Variants in PDS5A observed in about 807,000 individuals in gnomAD.
The protein encoded by PDS5A is PDS5 cohesin associated factor A.
PDS5A carries 42 observed loss-of-function variants against 167.1 expected under a neutral mutation model. That is an observed-to-expected ratio of 0.25 (90% CI 0.20 to 0.33). The LOEUF is 0.33. Ranked by LOEUF, PDS5A falls within the 10% of genes least tolerant of loss-of-function variation. The pLI is 1.00. For synonymous variants in PDS5A, 553 were observed against 554.6 expected, an observed-to-expected ratio of 1.00 and a Z score of 0.04; for missense variants, 1,033 against 1,605.9, an observed-to-expected ratio of 0.64 and a Z score of 6.10.
At chr4:39,951,620 G>A (rs565452106) in intron 2 of PDS5A, among the ~76,000 whole-genome samples, 2 of 152,318 alleles carry the variant, frequency 1.3e-5, no homozygotes, top group East Asian at 1.9e-4. Context: ...TCTACATCAC[G>A]CTGGGCAAGG....
intron 11 of PDS5A, among the ~76,000 whole-genome samples, chr4:39,905,731 G>A (rs752559303): frequency 1.6e-4 from 24 of 151,844 alleles, no homozygotes; most frequent in Non-Finnish European, 2.8e-4. Context: ...AACATTCTCA[G>A]GGAGATAAGA....
chr4:39,871,292 T>C (rs1321766278), intron 21 of PDS5A, among the ~76,000 whole-genome samples: 1 of 152,176 alleles, frequency 6.6e-6, no homozygotes, highest in African/African-American at 2.4e-5. Context: ...GTATAGTTTA[T>C]CACCATAAAA....
At chr4:39,838,392 G>A (rs1716630677) in intron 31 of PDS5A, among the ~76,000 whole-genome samples, 184 bp from the exon 32 acceptor site, 1 of 152,182 alleles carries the variant, frequency 6.6e-6, no homozygotes, top group Admixed American at 6.5e-5. Context: ...ACCTACCATG[G>A]TGTATAGCAT....
intron 32 of PDS5A, among the ~76,000 whole-genome samples, chr4:39,831,875 CAAAAAA>C (rs58913167): frequency 1.3e-3 from 34 of 25,936 alleles, no homozygotes; most frequent in Admixed American, 2.9e-3. Flanking sequence ...AAACTCGTCT[CAAAAAA>C]AAAAAAAAAA....
intron 17 of PDS5A, among the ~76,000 whole-genome samples, chr4:39,883,499 A>G (rs573167081): frequency 1.3e-5 from 2 of 151,518 alleles, no homozygotes; most frequent in African/African-American, 4.8e-5. Context: ...GCACCTTTTC[A>G]AGGTATTTAA....
chr4:39,953,795 C>T (rs1451158970), intron 2 of PDS5A, among the ~76,000 whole-genome samples: 4 of 152,130 alleles, frequency 2.6e-5, no homozygotes, highest in East Asian at 1.9e-4. Context: ...TGCACTTAGA[C>T]GTTCGTAATC....
chr4:39,838,123 T>C lies in PDS5A; in HGVS notation c.3743A>G (p.Asn1248Ser). Residue 1248 changes from asparagine (N) to serine (S), a missense_variant, in exon 32 of 33, where the codon AAT (asparagine) becomes AGT (serine). Asn to Ser is a conservative substitution (Grantham distance 46, BLOSUM62 1). Coordinates refer to ENST00000303538, the MANE Select transcript of PDS5A (RefSeq NM_001100399.2). ...TTTCTCATCTGTTTTTTGTTGGATATTCTCTGCACCAGCTGCTGTTACTGT... is the reference window on the plus strand; with the variant it reads ...TTTCTCATCTGTTTTTTGTTGGATACTCTCTGCACCAGCTGCTGTTACTGT... Reference protein sequence around the residue: ...KRTVTAAGAENIQQKTDEKVD... With the variant: ...KRTVTAAGAESIQQKTDEKVD... The C allele has an allele frequency of 6.2e-7, 1 of 1,613,904 alleles. No individual in the cohort carries two copies. The highest frequency in any genetic ancestry group is 8.5e-7 in the Non-Finnish European group (1 of 1,179,850).
In PDS5A at chr4:39,863,357, C is replaced by A; in HGVS notation, c.2745G>T (p.Gln915His). 1 of 1,606,560 alleles carries A rather than the reference C, an allele frequency of 6.2e-7. No homozygotes were observed. Among genetic ancestry groups the A allele is most frequent in the East Asian group, 2.2e-5 (1 of 44,804 alleles). ...TTACATTAATAACAAGTGCACAGAGCTGAAACTGTTCTGGGGTAATAATTT... is the reference window on the plus strand; with the variant it reads ...TTACATTAATAACAAGTGCACAGAGATGAAACTGTTCTGGGGTAATAATTT... ...YHEIITPEQF[Q>H]LCALVINDEC... The change falls in exon 24 of 33, where the codon CAG becomes CAT. Residue 915 changes from glutamine to histidine, a missense_variant. Physicochemically the swap from Gln to His is conservative, Grantham distance 24 (BLOSUM62 0). This residue lies in a region of PDS5A where 367 missense variants were observed against 686.7 expected (regional missense o/e 0.53). Transcript: ENST00000303538.
chr4:39,895,527 A>C (rs1198774525), intron 16 of PDS5A, among the ~76,000 whole-genome samples: 5 of 152,254 alleles, frequency 3.3e-5, no homozygotes, highest in Non-Finnish European at 1.5e-5. Context: ...CTGCAAGTTG[A>C]TCTGGGTAAG....
At chr4:39,940,805 A>T (rs765279969) in intron 2 of PDS5A, among the ~76,000 whole-genome samples, 3 of 152,234 alleles carry the variant, frequency 2.0e-5, no homozygotes, top group Non-Finnish European at 4.4e-5. Context: ...GGCATGTGCC[A>T]CTATGCCTGG....
chr4:39,844,756 C>T lies in PDS5A; in HGVS notation c.3448G>A (p.Ala1150Thr). The T allele has an allele frequency of 6.2e-7, 1 of 1,613,480 alleles. No homozygotes were observed. The highest frequency in any genetic ancestry group is 8.5e-7 in the Non-Finnish European group (1 of 1,179,718). The change falls in exon 30 of 33, where the codon GCA (alanine) becomes ACA (threonine). Residue 1150 changes from alanine to threonine, a missense_variant. Physicochemically the swap from Ala to Thr is moderately conservative, Grantham distance 58 (BLOSUM62 0). This residue lies in a region of PDS5A where 233 missense variants were observed against 264.0 expected (regional missense o/e 0.88). Transcript: ENST00000303538. ...VLGAVNKPLS[A>T]TGRKPYVRST... Reference sequence around the variant, plus strand: ...CTAACATAGGGTTTCCTTCCCGTTGCTGATAAAGGCTTATTTACTGCACCT... The same window carrying T: ...CTAACATAGGGTTTCCTTCCCGTTGTTGATAAAGGCTTATTTACTGCACCT...
At chr4:39,895,866 C>A (rs1372076528) in intron 16 of PDS5A, among the ~76,000 whole-genome samples, 2 of 151,652 alleles carry the variant, frequency 1.3e-5, no homozygotes, top group South Asian at 4.2e-4. Flanking sequence ...TACAGGCGCC[C>A]GCCACCATGC....
chr4:39,939,278 A>G (rs1000459046), intron 2 of PDS5A, among the ~76,000 whole-genome samples: 4 of 152,108 alleles, frequency 2.6e-5, no homozygotes, highest in African/African-American at 9.7e-5. Flanking sequence ...CCTGGGCAAC[A>G]TAACAAGACC....
At chr4:39,917,586 T>C (rs1724506751) in intron 7 of PDS5A, among the ~76,000 whole-genome samples, 1 of 152,112 alleles carries the variant, frequency 6.6e-6, no homozygotes, top group Non-Finnish European at 1.5e-5. Flanking sequence ...TTTTTTTTTC[T>C]TTTTATGAGA....
At position 39,845,798 on chromosome 4, in the gene PDS5A, AATT is replaced by A; in HGVS notation, c.3402+17_3402+19del. ...GATACACATGAAACAAAGATCTCAA[AATT>A]ATTAAGTAAATAATACCTTTCCTGT... On this transcript the variant is annotated intron_variant, in intron 29 of 32. Transcript: ENST00000303538. 3 of 1,391,044 alleles carry A rather than the reference AATT, an allele frequency of 2.2e-6. No individual in the cohort carries two copies. Among genetic ancestry groups the A allele is most frequent in the Non-Finnish European group, 2.8e-6 (3 of 1,066,970 alleles). 86.2% of individuals were successfully genotyped at this position (1,391,044 alleles called of 1,614,324 possible). A position where few individuals can be genotyped will look rare whatever the true frequency, so the allele number is the denominator to read the frequency against.
intron 2 of PDS5A, among the ~76,000 whole-genome samples, chr4:39,952,725 ATT>A (rs35943320): frequency 1.6e-5 from 2 of 128,248 alleles, no homozygotes; most frequent in African/African-American, 2.9e-5. Context: ...CAGATCTGGA[ATT>A]TTTTTTTTTT....
At chr4:39,918,081 C>T (rs1444539778) in intron 7 of PDS5A, among the ~76,000 whole-genome samples, 5 of 149,728 alleles carry the variant, frequency 3.3e-5, no homozygotes, top group East Asian at 4.0e-4. Context: ...CAGGAGGCCA[C>T]GGCAGGGGGA....
intron 2 of PDS5A, among the ~76,000 whole-genome samples, chr4:39,970,209 C>T (rs1189831451): frequency 1.3e-5 from 2 of 151,852 alleles, no homozygotes; most frequent in Non-Finnish European, 2.9e-5. Flanking sequence ...CAAATGAACA[C>T]ATGGGCTATT....
At chr4:39,924,414 G>A (rs1170397725) in intron 5 of PDS5A, among the ~76,000 whole-genome samples, 1 of 152,216 alleles carries the variant, frequency 6.6e-6, no homozygotes, top group Admixed American at 6.5e-5. Flanking sequence ...CTAGTCAAAT[G>A]CCACAGAAGT....
Sources: gnomAD v4.1 joint callset for allele counts (sites outside exome capture counted in the v4.1 genomes callset) on GRCh38, gnomAD v4.1.1 for gene constraint, gnomAD v4.1.1 regional missense constraint, MANE v1.5 for transcripts, NCBI Gene and HGNC (gene_info 2026-07-23, HGNC 2026-07-21) for gene names.